Variants in EPB41L2 observed in about 807,000 individuals in gnomAD.
The protein encoded by EPB41L2 is erythrocyte membrane protein band 4.1 like 2, also known as band 4.1-like protein 2.
A neutral mutation model predicts 113.0 loss-of-function variants in EPB41L2; 43 were observed. That is an observed-to-expected ratio of 0.38 (90% CI 0.30 to 0.49). The LOEUF is 0.49. Among genes scored for constraint, EPB41L2 ranks in the 20% least tolerant of loss-of-function variants. EPB41L2 has a pLI of 0.95. For missense variants in EPB41L2, 1,147 were observed against 1,223.4 expected, an observed-to-expected ratio of 0.94 and a Z score of 0.93; for synonymous variants, 442 against 436.7, an observed-to-expected ratio of 1.01 and a Z score of -0.15.
chr6:130,966,326 C>T (rs749471133), intron 1 of EPB41L2, among the ~76,000 whole-genome samples: 2 of 152,126 alleles, frequency 1.3e-5, no homozygotes, highest in East Asian at 1.9e-4. Flanking sequence ...GAAAGGCTGC[C>T]GCCCCACTTG....
intron 14 of EPB41L2, among the ~76,000 whole-genome samples, chr6:130,876,937 CTCCA>C (rs1787759780): frequency 6.6e-6 from 1 of 152,176 alleles, no homozygotes; most frequent in Non-Finnish European, 1.5e-5. Context: ...CAGACCCTTT[CTCCA>C]GAAAACACAA....
chr6:130,985,379 C>G (rs1293950052), intron 1 of EPB41L2, among the ~76,000 whole-genome samples: 1 of 152,186 alleles, frequency 6.6e-6, no homozygotes, highest in African/African-American at 2.4e-5. Flanking sequence ...CTCAGTAAAA[C>G]TCCCTGCCTA....
Position 130,869,570 on chromosome 6 carries a change from C to A in EPB41L2, c.2600G>T (p.Cys867Phe), listed in dbSNP as rs752857429. ...DIDVLPQIIC[C>F]SEPPVVKTEM... ...CCTGGGACTCCCATTTACCTCTGAA[C>A]AACAAATAATTTGTGGCAAAACATC... Residue 867 changes from cysteine (C) to phenylalanine (F), a missense_variant, in exon 15 of 20, where the codon TGT becomes TTT. Transcript: ENST00000337057. The A allele has an allele frequency of 1.2e-6, 2 of 1,613,764 alleles. No individual in the cohort carries two copies. The highest frequency in any genetic ancestry group is 4.5e-5 in the East Asian group (2 of 44,880).
rs531682110 is a variant in EPB41L2 at position 130,840,718 on chromosome 6, C to T, written c.*6-120G>A. On this transcript the variant is annotated intron_variant, in intron 19 of 19. Coordinates refer to ENST00000337057, the MANE Select transcript of EPB41L2 (RefSeq NM_001431.4). ...TCAAGTAATCAACAGTTACTGTCTG[C>T]CTAGTCTTACATTAAATAGTATGTT... The T allele has an allele frequency of 2.0e-5, 3 of 151,816 alleles. No individual in the cohort carries two copies. In the South Asian group the frequency reaches 6.3e-4, roughly 32 times the overall value. 9.4% of individuals were successfully genotyped at this position (151,816 alleles called of 1,614,324 possible).
intron 1 of EPB41L2, among the ~76,000 whole-genome samples, chr6:131,061,875 C>T (rs1798722377): frequency 6.6e-6 from 1 of 152,046 alleles, no homozygotes; most frequent in African/African-American, 2.4e-5. Flanking sequence ...CCGCGAAAGT[C>T]GTTTTTTTAA....
chr6:130,867,956 ACACACACACACACACACT>A (rs1238045119), intron 15 of EPB41L2: 4 of 160,664 alleles, frequency 2.5e-5, no homozygotes, highest in Non-Finnish European at 4.8e-5. Context: ...ACACACACAC[ACACACACACACACACACT>A]CTCTCTCTCT....
chr6:131,060,660 C>A (rs1798479208), intron 1 of EPB41L2, among the ~76,000 whole-genome samples: 1 of 152,222 alleles, frequency 6.6e-6, no homozygotes, highest in Non-Finnish European at 1.5e-5. Context: ...CAAGTGCTAG[C>A]ATTATCTAAT....
At chr6:130,899,626 A>G (rs770099071) in intron 7 of EPB41L2, 48 bp from the exon 8 acceptor site, 1 of 1,542,780 alleles carries the variant, frequency 6.5e-7, no homozygotes, top group South Asian at 1.1e-5. Flanking sequence ...ATGCAGAGCA[A>G]ATGTAGTCAG....
At chr6:130,954,991 T>C (rs1382449287) in intron 3 of EPB41L2, 114 bp downstream of exon 3, 2 of 891,652 alleles carry the variant, frequency 2.2e-6, no homozygotes, top group Admixed American at 4.4e-5. Flanking sequence ...TTTTTTTTAG[T>C]GCAAAACTGT....
intron 1 of EPB41L2, among the ~76,000 whole-genome samples, chr6:131,055,714 C>CA (rs1797449160): frequency 6.6e-6 from 1 of 152,170 alleles, no homozygotes; most frequent in East Asian, 1.9e-4. Context: ...TTTTAAGCCT[C>CA]AGTTTCTCAT....
intron 12 of EPB41L2, among the ~76,000 whole-genome samples, chr6:130,884,760 G>A (rs1790397336): frequency 6.6e-6 from 1 of 152,116 alleles, no homozygotes. Context: ...TAATCAAGAA[G>A]CTACATTTTA....
chr6:130,877,361 C>G (rs546677061), intron 14 of EPB41L2, among the ~76,000 whole-genome samples: 1 of 152,066 alleles, frequency 6.6e-6, no homozygotes, highest in Non-Finnish European at 1.5e-5. Context: ...GTATGATAAA[C>G]GAGCCCATGG....
chr6:131,044,972 A>G (rs1795133528), intron 1 of EPB41L2, among the ~76,000 whole-genome samples: 1 of 152,182 alleles, frequency 6.6e-6, no homozygotes. Context: ...ATATATATAC[A>G]TATACACACA....
Position 130,885,238 on chromosome 6 carries a change from A to G in EPB41L2, c.1691T>C (p.Met564Thr), listed in dbSNP as rs570645297. Residue 564 changes from methionine (M) to threonine (T), a missense_variant, in exon 12 of 20, where the codon ATG becomes ACG. Transcript: ENST00000337057. Reference protein sequence around the residue: ...APIGVMDQSLMKDFPGAAGEI... With the variant: ...APIGVMDQSLTKDFPGAAGEI... ...CCCAGCAGCGCCAGGAAAATCCTTC[A>G]TAAGACTTTGGTCCATGACACCAAT... The G allele has an allele frequency of 5.0e-6, 8 of 1,614,120 alleles. No individual in the cohort carries two copies. In the South Asian group the frequency reaches 6.6e-5, roughly 13 times the overall value.
intron 1 of EPB41L2, among the ~76,000 whole-genome samples, chr6:131,058,021 T>C (rs140632342): frequency 0.011 from 1,618 of 152,336 alleles, 16 homozygotes; most frequent in Non-Finnish European, 0.018. Context: ...TCAGGAAAGA[T>C]TGTTCTTATC....
chr6:130,946,087 C>T (rs1812707298), intron 3 of EPB41L2, among the ~76,000 whole-genome samples: 1 of 151,890 alleles, frequency 6.6e-6, no homozygotes, highest in Non-Finnish European at 1.5e-5. Flanking sequence ...AAAGTTTTTT[C>T]GAAAAATTTT....
chr6:131,046,368 G>A (rs1410098216), intron 1 of EPB41L2, among the ~76,000 whole-genome samples: 4 of 152,016 alleles, frequency 2.6e-5, no homozygotes, highest in East Asian at 1.9e-4. Flanking sequence ...CTTGACCACC[G>A]TCACACTTAA....
chr6:131,048,138 C>CAAAAAAAAAA (rs200522047), intron 1 of EPB41L2, among the ~76,000 whole-genome samples: 7 of 52,984 alleles, frequency 1.3e-4, no homozygotes, highest in African/African-American at 2.8e-4. Context: ...GACTCTGTCT[C>CAAAAAAAAAA]AAAAAAAAAA....
intron 1 of EPB41L2, among the ~76,000 whole-genome samples, chr6:131,026,966 T>C (rs952465374): frequency 6.6e-6 from 1 of 152,186 alleles, no homozygotes; most frequent in Non-Finnish European, 1.5e-5. Context: ...ATGTAATACA[T>C]GTTACTGGTC....
Sources: gnomAD v4.1 joint callset for allele counts (sites outside exome capture counted in the v4.1 genomes callset) on GRCh38, gnomAD v4.1.1 for gene constraint, MANE v1.5 for transcripts, NCBI Gene and HGNC (gene_info 2026-07-23, HGNC 2026-07-21) for gene names.